CDH19: variants seen among roughly 807,000 people sequenced by gnomAD.
CDH19 encodes the protein cadherin-19.
Under a neutral mutation model 64.2 loss-of-function variants are expected in CDH19, and 67 were observed. The ratio of observed to expected loss-of-function variants is 1.04; its 90% CI spans 0.86 to 1.28. CDH19 has a LOEUF of 1.28. Among genes scored for constraint, CDH19 ranks in the 50% most tolerant of loss-of-function variants. The pLI, the probability that CDH19 is intolerant of heterozygous loss-of-function variation, is 0.00. For missense variants in CDH19, 1,030 were observed against 929.0 expected (o/e 1.11, Z -1.41); for synonymous variants, 346 against 319.3 (o/e 1.08, Z -0.89).
intron 1 of CDH19, among the ~76,000 whole-genome samples, chr18:66,577,029 C>T (rs1429611419): frequency 6.6e-6 from 1 of 151,514 alleles, no homozygotes; most frequent in Non-Finnish European, 1.5e-5. Flanking sequence ...CTCTCTATTG[C>T]ACACTATAAA....
chr18:66,568,848 C>T (rs1258379332), intron 2 of CDH19, 138 bp from the exon 3 acceptor site: 3 of 649,472 alleles, frequency 4.6e-6, no homozygotes, highest in Non-Finnish European at 7.6e-6. Context: ...TTAAATGAGG[C>T]AAAATATTAA....
rs956198892 is a variant in CDH19, at chr18:66,536,938, G to T, written c.1215-1831C>A. ...GACTTATTTAGATATGTACCATCAT[G>T]ACCTCAGCAAAATTTAAAATTTGGA... On this transcript the variant is annotated intron_variant, in intron 7 of 11. Coordinates refer to ENST00000262150, the MANE Select transcript of CDH19 (RefSeq NM_021153.4). Among the ~76,000 whole-genome samples, 45 of 151,684 alleles carry T rather than the reference G, an allele frequency of 3.0e-4. 1 individual carries two copies. The highest frequency in any genetic ancestry group is 1.1e-3 in the African/African-American group (44 of 41,356).
intron 11 of CDH19, among the ~76,000 whole-genome samples, chr18:66,506,425 C>A (rs1345637745): frequency 1.3e-5 from 2 of 151,716 alleles, no homozygotes; most frequent in Non-Finnish European, 2.9e-5. Context: ...CACTGTACCC[C>A]ATAAATATGT....
At chr18:66,581,339 C>T (rs896285601) in intron 1 of CDH19, among the ~76,000 whole-genome samples, 2 of 151,684 alleles carry the variant, frequency 1.3e-5, no homozygotes, top group Non-Finnish European at 2.9e-5. Flanking sequence ...AGTAAAATTG[C>T]GAGTATGTTT....
At chr18:66,580,508 T>C (rs933520736) in intron 1 of CDH19, among the ~76,000 whole-genome samples, 1 of 152,096 alleles carries the variant, frequency 6.6e-6, no homozygotes, top group African/African-American at 2.4e-5. Context: ...AAATTTGTCA[T>C]GGTAATTACA....
At chr18:66,536,597 G>A (rs1226334599) in intron 7 of CDH19, among the ~76,000 whole-genome samples, 1 of 151,706 alleles carries the variant, frequency 6.6e-6, no homozygotes, top group Non-Finnish European at 1.5e-5. Flanking sequence ...TTAGGAAGAA[G>A]AGCCACATAA....
chr18:66,535,157 C>T, intron 7 of CDH19, 50 bp from the exon 8 acceptor site: 2 of 1,187,998 alleles, frequency 1.7e-6, no homozygotes, highest in Non-Finnish European at 2.3e-6. Flanking sequence ...ATCTGCATAA[C>T]AGTGTTAGAT....
intron 2 of CDH19, among the ~76,000 whole-genome samples, chr18:66,569,305 T>C (rs2144574202): frequency 6.6e-6 from 1 of 151,800 alleles, no homozygotes; most frequent in African/African-American, 2.4e-5. Context: ...ATATTATTGA[T>C]ATGATCAATT....
At position 66,552,197 on chromosome 18, in the gene CDH19, C is replaced by T. The variant is rs9953482; in HGVS notation, c.611-939G>A. ...CCCATGTAATAAACTTGCACATTTACGCCCTGAACCTAAAATAAAAGTAAA... is the reference window on the plus strand; with the variant it reads ...CCCATGTAATAAACTTGCACATTTATGCCCTGAACCTAAAATAAAAGTAAA... On this transcript the variant is annotated intron_variant, in intron 4 of 11. Coordinates refer to ENST00000262150, the MANE Select transcript of CDH19 (RefSeq NM_021153.4). 9.6e-3 allele frequency among the ~76,000 whole-genome samples: 1,457 copies of T among 151,874 alleles called. 33 individuals are homozygous for T. The highest frequency in any genetic ancestry group is 0.032 in the African/African-American group (1,343 of 41,438).
chr18:66,513,137 G>A (rs1319391057), intron 9 of CDH19, among the ~76,000 whole-genome samples: 2 of 151,376 alleles, frequency 1.3e-5, no homozygotes, highest in East Asian at 3.9e-4. Flanking sequence ...TGGCATATGT[G>A]GCTACAGTGT....
At chr18:66,535,415 T>G (rs1986623760) in intron 7 of CDH19, among the ~76,000 whole-genome samples, 1 of 151,432 alleles carries the variant, frequency 6.6e-6, no homozygotes, top group Non-Finnish European at 1.5e-5. Flanking sequence ...TATTGATCTC[T>G]TTCCTATGTC....
intron 2 of CDH19, among the ~76,000 whole-genome samples, chr18:66,571,742 C>T (rs773688256): frequency 6.6e-6 from 1 of 151,500 alleles, no homozygotes; most frequent in Non-Finnish European, 1.5e-5. Context: ...CCAAAAATAA[C>T]GCAATAAAGT....
At chr18:66,506,690 T>G (rs984867116) in intron 11 of CDH19, among the ~76,000 whole-genome samples, 2 of 151,888 alleles carry the variant, frequency 1.3e-5, no homozygotes, top group Non-Finnish European at 2.9e-5. Flanking sequence ...TGTGTGTGTG[T>G]GTCTTTGCGT....
chr18:66,554,621 T>A (rs1047289951), intron 3 of CDH19, 97 bp from the exon 4 acceptor site: 213 of 965,310 alleles, frequency 2.2e-4, no homozygotes, highest in Non-Finnish European at 2.5e-4. Flanking sequence ...AAGATGTTGT[T>A]ACAAAATGAA....
rs1987997201 is a variant in CDH19, at chr18:66,568,634, A to T, written c.272T>A (p.Ile91Asn). Residue 91 changes from isoleucine to asparagine, a missense_variant, in exon 3 of 12, where the codon ATC (isoleucine) becomes AAC (asparagine). Physicochemically the swap from Ile to Asn is moderately radical, Grantham distance 149 (BLOSUM62 -3). Transcript: ENST00000262150. The part of the protein sequence containing the change: ...LLGAGAGSTF[I>N]IDERTGDIYA... ...TATGTCACCTGTTCTTTCATCAATG[A>T]TAAAAGTACTTCCAGCTCCAGCTCC... 1 of 1,611,772 alleles carries T rather than the reference A, an allele frequency of 6.2e-7. No individual in the cohort carries two copies. The highest frequency in any genetic ancestry group is 1.1e-5 in the South Asian group (1 of 91,028).
intron 9 of CDH19, among the ~76,000 whole-genome samples, chr18:66,514,087 T>C (rs181648997): frequency 8.4e-4 from 128 of 151,606 alleles, no homozygotes; most frequent in African/African-American, 3.0e-3. Context: ...CTATTATTGT[T>C]CCCATGTTAT....
chr18:66,583,965 C>A (rs1988499376), intron 1 of CDH19, among the ~76,000 whole-genome samples: 1 of 152,040 alleles, frequency 6.6e-6, no homozygotes, highest in African/African-American at 2.4e-5. Context: ...GACAAAGACA[C>A]CAAAAGCGAT....
At chr18:66,525,434 C>T (rs1215376376) in intron 9 of CDH19, among the ~76,000 whole-genome samples, 1 of 151,960 alleles carries the variant, frequency 6.6e-6, no homozygotes, top group African/African-American at 2.4e-5. Context: ...AGATTAACAG[C>T]ACTTTAAAAA....
At chr18:66,601,304 T>C (rs1381573820) in intron 1 of CDH19, among the ~76,000 whole-genome samples, 2 of 151,930 alleles carry the variant, frequency 1.3e-5, no homozygotes, top group Admixed American at 1.3e-4. Flanking sequence ...ATTTATGATT[T>C]GCTCATTTCC....
Sources: gnomAD v4.1 joint callset for allele counts (sites outside exome capture counted in the v4.1 genomes callset) on GRCh38, gnomAD v4.1.1 for gene constraint, MANE v1.5 for transcripts, NCBI Gene and HGNC (gene_info 2026-07-23, HGNC 2026-07-21) for gene names.